Variants in RNF213 observed in about 807,000 individuals in gnomAD.
RNF213 encodes the protein ring finger protein 213.
RNF213 carries 341 observed loss-of-function variants against 514.4 expected under a neutral mutation model. The ratio of observed to expected loss-of-function variants is 0.66; its 90% CI spans 0.61 to 0.73. The LOEUF (loss-of-function observed/expected upper bound fraction) is 0.73, where lower values mean the gene tolerates loss of function less well. Ranked by LOEUF, RNF213 falls within the 30% of genes least tolerant of loss-of-function variation. The probability of loss-of-function intolerance (pLI) is 0.00; values close to 1 mark genes in which losing one functional copy is unlikely to be tolerated. For missense variants in RNF213, 5,767 were observed against 6,615.6 expected (o/e 0.87, Z 4.45); for synonymous variants, 2,655 against 2,658.2 (o/e 1.00, Z 0.04).
At chr17:80,384,205 C>T (rs1367796023) in intron 59 of RNF213, among the ~76,000 whole-genome samples, 1 of 152,204 alleles carries the variant, frequency 6.6e-6, no homozygotes, top group African/African-American at 2.4e-5. Context: ...GACCTCCCCT[C>T]ATCACTCAGC....
At chr17:80,361,211 C>T (rs1192472583) in intron 38 of RNF213, among the ~76,000 whole-genome samples, 1 of 152,210 alleles carries the variant, frequency 6.6e-6, no homozygotes, top group Non-Finnish European at 1.5e-5. Flanking sequence ...ACACTGTTTC[C>T]GCCTTCCTTT....
chr17:80,286,070 C>T (rs755157543), intron 3 of RNF213, among the ~76,000 whole-genome samples: 52 of 152,162 alleles, frequency 3.4e-4, no homozygotes, highest in Non-Finnish European at 5.4e-4. Context: ...AGTCAGCCTG[C>T]GCTGGGAGTG....
chr17:80,339,053 A>T (rs2078071252), intron 25 of RNF213, 148 bp from the exon 26 acceptor site: 1 of 571,778 alleles, frequency 1.7e-6, no homozygotes. Context: ...GGTTGTGTAG[A>T]TGAGGAGGGA....
intron 18 of RNF213, among the ~76,000 whole-genome samples, chr17:80,327,547 T>C (rs1188829676): frequency 6.6e-6 from 1 of 151,438 alleles, no homozygotes; most frequent in African/African-American, 2.4e-5. Flanking sequence ...ACCTGAGAAA[T>C]GTGTCTCCCA....
At position 80,348,101 on chromosome 17, in the gene RNF213, T is replaced by A; in HGVS notation, c.9766T>A (p.Ser3256Thr). Residue 3256 changes from serine (S) to threonine (T), a missense_variant, in exon 29 of 68, where the codon TCG becomes ACG. This residue lies in a region of RNF213 where 919 missense variants were observed against 1,121.0 expected (regional missense o/e 0.82). Coordinates refer to ENST00000582970, the MANE Select transcript of RNF213 (RefSeq NM_001256071.3). ...LHQKVSEEAK[S>T]ILLNCATPDA... ...CCAGAAGGTGTCTGAGGAGGCCAAA[T>A]CGATCCTGCTGAACTGCGCTACGCC... 6.2e-7 allele frequency: 1 copy of A among 1,614,116 alleles called. No individual in the cohort carries two copies. Among genetic ancestry groups the A allele is most frequent in the South Asian group, 1.1e-5 (1 of 91,092 alleles).
At chr17:80,356,331 T>A (rs767563845) in intron 36 of RNF213, among the ~76,000 whole-genome samples, 2 of 152,040 alleles carry the variant, frequency 1.3e-5, no homozygotes, top group Non-Finnish European at 2.9e-5. Context: ...CTGACTCCAC[T>A]CCCCGGGACC....
intron 58 of RNF213, among the ~76,000 whole-genome samples, chr17:80,383,362 G>A (rs748905579): frequency 1.3e-5 from 2 of 152,190 alleles, no homozygotes; most frequent in Non-Finnish European, 2.9e-5. Flanking sequence ...TGTAATGTAC[G>A]AGGTAGAGAA....
At chr17:80,285,281 T>A (rs1281450521) in intron 3 of RNF213, among the ~76,000 whole-genome samples, 1 of 152,204 alleles carries the variant, frequency 6.6e-6, no homozygotes, top group African/African-American at 2.4e-5. Context: ...GTGACCCACC[T>A]GGGGTTGCCC....
chr17:80,320,290 A>T (rs2046095450), intron 17 of RNF213: 1 of 152,348 alleles, frequency 6.6e-6, no homozygotes, highest in Admixed American at 6.5e-5. Context: ...ATCATATCAT[A>T]TGTGGCCTTT....
intron 26 of RNF213, chr17:80,341,044 C>T (rs1178421056): frequency 1.3e-5 from 2 of 152,282 alleles, no homozygotes; most frequent in Admixed American, 1.3e-4. Context: ...ACCTCATGAT[C>T]TGCCCTCCTC....
chr17:80,310,094 C>G (rs963597399), intron 14 of RNF213, among the ~76,000 whole-genome samples: 1 of 152,016 alleles, frequency 6.6e-6, no homozygotes, highest in Non-Finnish European at 1.5e-5. Flanking sequence ...TTTGACCTTT[C>G]TGCCTCCGAC....
rs73442404 is a variant in RNF213 at position 80,264,614 on chromosome 17, C to T, written c.97+836C>T. Among the ~76,000 whole-genome samples the T allele has an allele frequency of 0.04, 6,061 of 152,168 alleles. 198 individuals are homozygous for T. Among genetic ancestry groups the T allele is most frequent in the East Asian group, 0.11 (578 of 5,170 alleles). On this transcript the variant is annotated intron_variant, in intron 2 of 67. Coordinates refer to ENST00000582970, the MANE Select transcript of RNF213 (RefSeq NM_001256071.3). The surrounding 1 kb of genome is among the most constrained non-coding windows in gnomAD (Gnocchi z 5.0). ...TCTATCGGACCCATCACCCCGGGGCCCTCTCCTTCCTCCATGACCCACATG... is the reference window on the plus strand; with the variant it reads ...TCTATCGGACCCATCACCCCGGGGCTCTCTCCTTCCTCCATGACCCACATG...
At position 80,275,683 on chromosome 17, in the gene RNF213, A is replaced by C. The variant is rs1333242460; in HGVS notation, c.261+2279A>C. ...TTATTTTATTTTATTTTTTTTTGAG[A>C]TGGAGTCTCACTCCTTTGCCCAGGC... is the stretch of plus-strand genomic sequence containing the variant. On this transcript the variant is annotated intron_variant, in intron 3 of 67. Transcript: ENST00000582970. Among the ~76,000 whole-genome samples the C allele has an allele frequency of 3.3e-5, 5 of 151,806 alleles. 1 individual carries two copies. Among genetic ancestry groups the C allele is most frequent in the Admixed American group, 3.3e-4 (5 of 15,256 alleles).
intron 56 of RNF213, 169 bp from the exon 57 acceptor site, chr17:80,381,378 C>G: frequency 1.4e-6 from 1 of 730,724 alleles, no homozygotes; most frequent in East Asian, 2.7e-5. Flanking sequence ...AAGCCAGCAG[C>G]CGTTCCGCTT....
chr17:80,369,983 C>T (rs934881155), intron 46 of RNF213, 116 bp downstream of exon 46: 7 of 780,032 alleles, frequency 9.0e-6, no homozygotes, highest in Non-Finnish European at 1.6e-5. Flanking sequence ...TCTTGGGGAG[C>T]TTTTTCGGTG....
chr17:80,280,325 G>A lies in RNF213; in HGVS notation c.261+6921G>A, dbSNP rs76434378. ...GACAGTGAAGTCCGTGGAGAGGTGG[G>A]CCCTTCCCCAGAGAGAACATGGAAG... On this transcript the variant is annotated intron_variant, in intron 3 of 67. Transcript: ENST00000582970. Among the ~76,000 whole-genome samples, 612 of 152,334 alleles carry A rather than the reference G, an allele frequency of 4.0e-3. 4 individuals are homozygous for A. The highest frequency in any genetic ancestry group is 0.014 in the African/African-American group (591 of 41,570).
intron 67 of RNF213, among the ~76,000 whole-genome samples, chr17:80,393,086 T>C (rs1006552232): frequency 6.6e-6 from 1 of 151,946 alleles, no homozygotes; most frequent in African/African-American, 2.4e-5. Flanking sequence ...CAAGTGGTCC[T>C]CCCACCTCAG....
chr17:80,261,931 C>T (rs1264411000), intron 1 of RNF213, among the ~76,000 whole-genome samples: 1 of 152,182 alleles, frequency 6.6e-6, no homozygotes, highest in South Asian at 2.1e-4. Context: ...GCGGGAGAAT[C>T]GCTAGAGCCC....
intron 54 of RNF213, among the ~76,000 whole-genome samples, chr17:80,378,160 G>A (rs943088285): frequency 2.6e-5 from 4 of 152,218 alleles, no homozygotes; most frequent in African/African-American, 9.6e-5. Context: ...GCTACTGGTT[G>A]GGAACTGCTG....
Sources: gnomAD v4.1 joint callset for allele counts (sites outside exome capture counted in the v4.1 genomes callset) on GRCh38, gnomAD v4.1.1 for gene constraint, gnomAD v4.1.1 regional missense constraint, Gnocchi (gnomAD v3.1) non-coding constraint, MANE v1.5 for transcripts, NCBI Gene and HGNC (gene_info 2026-07-23, HGNC 2026-07-21) for gene names.